The following SLC43A2 variants were observed in gnomAD, a reference collection of about 807,000 sequenced individuals.
SLC43A2 encodes solute carrier family 43 member 2, also known as large neutral amino acids transporter small subunit 4.
In SLC43A2, 38 loss-of-function variants were observed where a neutral mutation model predicts 63.2. The ratio of observed to expected loss-of-function variants is 0.60; its 90% CI spans 0.46 to 0.79. SLC43A2 has a LOEUF of 0.79. Ranked by LOEUF, SLC43A2 falls within the 30% of genes least tolerant of loss-of-function variation. SLC43A2 has a pLI of 0.00. For synonymous variants in SLC43A2, 322 were observed against 331.0 expected, an observed-to-expected ratio of 0.97 and a Z score of 0.30; for missense variants, 644 against 756.2, an observed-to-expected ratio of 0.85 and a Z score of 1.74.
intron 5 of SLC43A2, among the ~76,000 whole-genome samples, chr17:1,608,860 G>A (rs2151068237): frequency 6.6e-6 from 1 of 152,236 alleles, no homozygotes; most frequent in East Asian, 1.9e-4. Flanking sequence ...ACCATGTAGA[G>A]ACCTGAAAAC....
intron 11 of SLC43A2, among the ~76,000 whole-genome samples, chr17:1,580,722 C>T (rs554388076): frequency 8.1e-4 from 108 of 133,268 alleles, no homozygotes; most frequent in East Asian, 7.9e-4. Context: ...CCACCAGGCC[C>T]GGCTAATTTT....
Position 1,597,598 on chromosome 17 carries a change from G to A in SLC43A2, c.502-4319C>T, listed in dbSNP as rs528674517. ...GCGGATCACCTGAGGTCAGGAGTTC[G>A]AGACCAGCCTGGCCAAAATGGTGAA... On this transcript the variant is annotated intron_variant, in intron 5 of 13. Coordinates refer to ENST00000301335, the MANE Select transcript of SLC43A2 (RefSeq NM_152346.3). 2.0e-5 allele frequency among the ~76,000 whole-genome samples: 3 copies of A among 150,570 alleles called. No individual in the cohort carries two copies. The East Asian group carries it at 5.9e-4, about 30-fold the overall frequency.
intron 9 of SLC43A2, among the ~76,000 whole-genome samples, chr17:1,587,481 C>T (rs1598444349): frequency 6.6e-6 from 1 of 152,230 alleles, no homozygotes; most frequent in African/African-American, 2.4e-5. Context: ...CTCCCTTCCA[C>T]TCCAAGAAAC....
chr17:1,585,303 G>A (rs755691858), intron 10 of SLC43A2: 35 of 929,090 alleles, frequency 3.8e-5, no homozygotes, highest in Admixed American at 1.0e-4. Flanking sequence ...GTGCAATGGC[G>A]TGATCTCGGC....
intron 2 of SLC43A2, among the ~76,000 whole-genome samples, chr17:1,617,434 A>G (rs1048448148): frequency 2.0e-5 from 3 of 151,588 alleles, no homozygotes; most frequent in Non-Finnish European, 4.4e-5. Context: ...TCTGTTGCCC[A>G]GGCTGGAGTG....
Position 1,579,413 on chromosome 17 carries a change from A to T in SLC43A2, c.1351-1090T>A, listed in dbSNP as rs927817957. 7.3e-5 allele frequency among the ~76,000 whole-genome samples: 11 copies of T among 151,492 alleles called. 1 individual carries two copies. Among genetic ancestry groups the T allele is most frequent in the African/African-American group, 2.7e-4 (11 of 41,310 alleles). On this transcript the variant is annotated intron_variant, in intron 11 of 13. Transcript: ENST00000301335. Reference sequence around the variant, plus strand: ...GAGGCGGAGGTTGCGGTGAGCCGAGATAGCACCACTGCACTCCAGCCTGGG... The same window carrying T: ...GAGGCGGAGGTTGCGGTGAGCCGAGTTAGCACCACTGCACTCCAGCCTGGG...
At chr17:1,586,889 A>C in intron 9 of SLC43A2, 1 of 1,523,420 alleles carries the variant, frequency 6.6e-7, no homozygotes, top group Non-Finnish European at 8.8e-7. Context: ...GGTTGAACAG[A>C]GACTGGCTGG....
In SLC43A2 at chr17:1,606,886, C is replaced by A. The variant is rs919500375; in HGVS notation, c.501+6309G>T. Among the ~76,000 whole-genome samples, 4 of 152,234 alleles carry A rather than the reference C, an allele frequency of 2.6e-5. No homozygotes were observed. The highest frequency in any genetic ancestry group is 5.9e-5 in the Non-Finnish European group (4 of 68,030). On this transcript the variant is annotated intron_variant, in intron 5 of 13. Coordinates refer to ENST00000301335, the MANE Select transcript of SLC43A2 (RefSeq NM_152346.3). The surrounding 1 kb of genome is among the most constrained non-coding windows in gnomAD (Gnocchi z 4.7). ...GCAGCCTACCTGACGCGACAGCCAC[C>A]CTTGCCCCTCGGAGCCTCCACTTGG...
chr17:1,606,649 G>A lies in SLC43A2; in HGVS notation c.501+6546C>T, dbSNP rs79136251. Reference sequence around the variant, plus strand: ...AGCCGCCGGCCGTGTTTGTGCTCCAGCCGATGAAGCGAGTGCAAAGGGCTG... The same window carrying A: ...AGCCGCCGGCCGTGTTTGTGCTCCAACCGATGAAGCGAGTGCAAAGGGCTG... On this transcript the variant is annotated intron_variant, in intron 5 of 13. Transcript: ENST00000301335. The surrounding 1 kb of genome is among the most constrained non-coding windows in gnomAD (Gnocchi z 4.7). Among the ~76,000 whole-genome samples the A allele has an allele frequency of 2.0e-5, 3 of 152,246 alleles. No individual in the cohort carries two copies. In the East Asian group the frequency reaches 5.8e-4, roughly 29 times the overall value.
At chr17:1,586,938 C>A in intron 9 of SLC43A2, 3 of 1,522,348 alleles carry the variant, frequency 2.0e-6, no homozygotes, top group South Asian at 1.2e-5. Context: ...TCCCCCCCAC[C>A]CCCCGCTTAC....
At position 1,586,081 on chromosome 17, in the gene SLC43A2, C is replaced by G. The variant is rs537158141; in HGVS notation, c.1079-30G>C. Reference sequence around the variant, plus strand: ...GGAGGAAGGCGCTGCGTCATGGGGACGCCTGGCAGACAGCCCTGGAGCAGG... The same window carrying G: ...GGAGGAAGGCGCTGCGTCATGGGGAGGCCTGGCAGACAGCCCTGGAGCAGG... On this transcript the variant is annotated intron_variant, in intron 9 of 13. Transcript: ENST00000301335. The G allele has an allele frequency of 8.4e-6, 13 of 1,549,784 alleles. No individual in the cohort carries two copies. The Admixed American group carries it at 2.3e-4, about 28-fold the overall frequency.
intron 11 of SLC43A2, among the ~76,000 whole-genome samples, chr17:1,580,593 G>A (rs1354220062): frequency 2.0e-5 from 3 of 152,072 alleles, no homozygotes; most frequent in African/African-American, 2.4e-5. Flanking sequence ...GGACGGTCTC[G>A]CTCTACACCC....
At chr17:1,603,655 T>C (rs143105196) in intron 5 of SLC43A2, among the ~76,000 whole-genome samples, 111 of 152,024 alleles carry the variant, frequency 7.3e-4, no homozygotes, top group Middle Eastern at 3.4e-3. Context: ...CGTGGTGGCG[T>C]GCACCTGTAA....
At chr17:1,621,719 G>A (rs1278339523) in intron 2 of SLC43A2, among the ~76,000 whole-genome samples, 2 of 152,224 alleles carry the variant, frequency 1.3e-5, no homozygotes, top group Non-Finnish European at 2.9e-5. Flanking sequence ...GTCCCCGAGG[G>A]ATGCTCAGAG....
intron 2 of SLC43A2, among the ~76,000 whole-genome samples, chr17:1,625,570 C>T (rs1908586950): frequency 6.6e-6 from 1 of 152,178 alleles, no homozygotes; most frequent in African/African-American, 2.4e-5. Context: ...CCTAACTTCG[C>T]CAGGCACTCC....
chr17:1,622,397 A>C (rs1043150262), intron 2 of SLC43A2, among the ~76,000 whole-genome samples: 37 of 151,286 alleles, frequency 2.4e-4, no homozygotes, highest in African/African-American at 8.0e-4. Flanking sequence ...CCCCGTCTCT[A>C]CTAAAAATAC....
At chr17:1,624,761 C>T (rs567110288) in intron 2 of SLC43A2, among the ~76,000 whole-genome samples, 1 of 151,482 alleles carries the variant, frequency 6.6e-6, no homozygotes, top group Admixed American at 6.6e-5. Context: ...TATGGTGGCG[C>T]ACACTTGTAG....
intron 2 of SLC43A2, among the ~76,000 whole-genome samples, chr17:1,625,446 C>G (rs1908577998): frequency 1.3e-5 from 2 of 152,252 alleles, no homozygotes. Context: ...CAGCCGGACA[C>G]TGCTCAGGCT....
intron 4 of SLC43A2, among the ~76,000 whole-genome samples, chr17:1,613,625 G>A (rs1907327204): frequency 6.6e-6 from 1 of 152,060 alleles, no homozygotes; most frequent in Admixed American, 6.6e-5. Context: ...GCTAATTTTT[G>A]TATGTCTTGC....
Sources: allele counts gnomAD v4.1 joint callset (sites outside exome capture counted in the v4.1 genomes callset), GRCh38; gene constraint gnomAD v4.1.1; non-coding constraint Gnocchi (gnomAD v3.1); transcripts MANE v1.5; gene names NCBI Gene and HGNC (gene_info 2026-07-23, HGNC 2026-07-21).